DPF3: variants seen among roughly 807,000 people sequenced by gnomAD.
The protein encoded by DPF3 is double PHD fingers 3, also known as zinc finger protein DPF3.
In DPF3, 18 loss-of-function variants were observed where a neutral mutation model predicts 56.8. That is an observed-to-expected ratio of 0.32 (90% CI 0.22 to 0.47). DPF3 has a LOEUF of 0.47. DPF3 is among the 20% of genes least tolerant of loss of function. DPF3 has a pLI of 1.00. For missense variants in DPF3, 403 were observed against 488.8 expected (o/e 0.82, Z 1.65); for synonymous variants, 188 against 180.2 (o/e 1.04, Z -0.35).
chr14:72,772,971 A>ATTCC (rs1891598208), intron 1 of DPF3, among the ~76,000 whole-genome samples: 1 of 152,130 alleles, frequency 6.6e-6, no homozygotes, highest in Non-Finnish European at 1.5e-5. Context: ...AAAAGGGAGA[A>ATTCC]TCAAGTGTTT....
intron 5 of DPF3, among the ~76,000 whole-genome samples, chr14:72,722,904 T>C (rs1431080097): frequency 6.6e-6 from 1 of 152,104 alleles, no homozygotes; most frequent in Non-Finnish European, 1.5e-5. Flanking sequence ...GCTTTTTCCT[T>C]GTCCCATCCG....
chr14:72,783,583 A>C (rs1208188886), intron 1 of DPF3, among the ~76,000 whole-genome samples: 1 of 152,230 alleles, frequency 6.6e-6, no homozygotes, highest in Admixed American at 6.5e-5. Context: ...TCAGTGGCAC[A>C]GTCCACAGTC....
chr14:72,764,001 C>A (rs1020573007), intron 2 of DPF3, among the ~76,000 whole-genome samples: 2 of 152,110 alleles, frequency 1.3e-5, no homozygotes, highest in African/African-American at 2.4e-5. Flanking sequence ...GTCTTAATCC[C>A]CACTTCCTGG....
chr14:72,618,109 G>A lies in DPF3; in HGVS notation c.*1188C>T, dbSNP rs1219306989. ...CATGTTTGGGGAGCTTAGGAGACAA[G>A]AGCAGCCCCCGCACTGAGAGTTCTA... On this transcript the variant is annotated 3_prime_UTR_variant, in exon 11 of 11. Transcript: ENST00000556509. Among the ~76,000 whole-genome samples the A allele has an allele frequency of 6.6e-6, 1 of 151,934 alleles. No homozygotes were observed. Among genetic ancestry groups the A allele is most frequent in the African/African-American group, 2.4e-5 (1 of 41,330 alleles).
intron 1 of DPF3, among the ~76,000 whole-genome samples, chr14:72,835,257 G>A (rs192411047): frequency 6.7e-4 from 102 of 152,158 alleles, no homozygotes; most frequent in African/African-American, 2.0e-3. Context: ...TAGTAGAGAC[G>A]GGATTTCACC....
At chr14:72,699,275 T>C (rs867434538) in intron 6 of DPF3, among the ~76,000 whole-genome samples, 1 of 151,994 alleles carries the variant, frequency 6.6e-6, no homozygotes, top group Non-Finnish European at 1.5e-5. Context: ...ATCCCAGCAC[T>C]TTGGGAGGCT....
intron 3 of DPF3, among the ~76,000 whole-genome samples, chr14:72,751,017 C>T (rs1311130117): frequency 6.6e-6 from 1 of 151,810 alleles, no homozygotes; most frequent in Non-Finnish European, 1.5e-5. Context: ...ATAGTGAGAC[C>T]CTGTCTCTAC....
intron 4 of DPF3, among the ~76,000 whole-genome samples, chr14:72,726,718 C>G (rs1375019533): frequency 6.6e-6 from 1 of 152,064 alleles, no homozygotes; most frequent in Non-Finnish European, 1.5e-5. Flanking sequence ...GTCAGCTGAC[C>G]CCCCAGTAAC....
At chr14:72,718,908 T>C (rs1368896656) in intron 5 of DPF3, among the ~76,000 whole-genome samples, 1 of 150,640 alleles carries the variant, frequency 6.6e-6, no homozygotes, top group Non-Finnish European at 1.5e-5. Context: ...GTAGCTGGGA[T>C]TACAGGTGCA....
At chr14:72,626,351 C>T (rs1453500560) in intron 9 of DPF3, among the ~76,000 whole-genome samples, 2 of 152,044 alleles carry the variant, frequency 1.3e-5, no homozygotes, top group African/African-American at 4.8e-5. Flanking sequence ...CCTGTTTATT[C>T]TTCTTATATT....
At chr14:72,867,367 T>G (rs922477184) in intron 1 of DPF3, among the ~76,000 whole-genome samples, 1 of 152,118 alleles carries the variant, frequency 6.6e-6, no homozygotes, top group Non-Finnish European at 1.5e-5. Flanking sequence ...AGGCCTCTGG[T>G]GTCACGTCTA....
At chr14:72,685,499 G>A (rs1041444540) in intron 7 of DPF3, among the ~76,000 whole-genome samples, 33 of 152,114 alleles carry the variant, frequency 2.2e-4, no homozygotes, top group Admixed American at 2.1e-3. Context: ...CCTCTTCTAC[G>A]TGCAAGATAA....
Position 72,615,702 on chromosome 14 carries a change from G to A in DPF3, c.*3595C>T, listed in dbSNP as rs1884050369. On this transcript the variant is annotated 3_prime_UTR_variant, in exon 11 of 11. Transcript: ENST00000556509. Reference sequence around the variant, plus strand: ...ACCTCGCCCTGGGGCAGGGACAGGAGCAGGGGAGCCTTGGGACCTGCTGGC... The same window carrying A: ...ACCTCGCCCTGGGGCAGGGACAGGAACAGGGGAGCCTTGGGACCTGCTGGC... 6.6e-6 allele frequency among the ~76,000 whole-genome samples: 1 copy of A among 152,248 alleles called. No homozygotes were observed. Among genetic ancestry groups the A allele is most frequent in the Non-Finnish European group, 1.5e-5 (1 of 68,048 alleles).
chr14:72,657,662 T>A (rs1211342216), intron 8 of DPF3, among the ~76,000 whole-genome samples: 1 of 152,148 alleles, frequency 6.6e-6, no homozygotes, highest in African/African-American at 2.4e-5. Context: ...AGCAGTGCAA[T>A]ACTCTCATTT....
rs546485815 is a variant in DPF3 at position 72,758,582 on chromosome 14, T to C, written c.194-5211A>G. On this transcript the variant is annotated intron_variant, in intron 2 of 10. Transcript: ENST00000556509. ...CATTTATGCCTGTGAGGAAACTAGATAGGACTGGGAAAAGAACTACCCAAA... is the reference window on the plus strand; with the variant it reads ...CATTTATGCCTGTGAGGAAACTAGACAGGACTGGGAAAAGAACTACCCAAA... Among the ~76,000 whole-genome samples the C allele has an allele frequency of 5.3e-4, 80 of 152,162 alleles. 1 individual carries two copies. In the South Asian group the frequency reaches 9.2e-3, roughly 17 times the overall value.
chr14:72,699,430 G>A lies in DPF3; in HGVS notation c.605-6217C>T, dbSNP rs146341380. ...CCAGCTACTTAAGAGGCTGAGGTGG[G>A]AGGATCACTTGAGCCCAGGAGGTCG... On this transcript the variant is annotated intron_variant, in intron 6 of 10. Coordinates refer to ENST00000556509, the MANE Select transcript of DPF3 (RefSeq NM_001280542.3). Among the ~76,000 whole-genome samples the A allele has an allele frequency of 8.9e-3, 1,350 of 151,128 alleles. 8 individuals are homozygous for A. Among genetic ancestry groups the A allele is most frequent in the Non-Finnish European group, 0.015 (1,039 of 67,864 alleles).
intron 2 of DPF3, among the ~76,000 whole-genome samples, chr14:72,754,849 T>G (rs866822319): frequency 3.3e-5 from 5 of 152,220 alleles, no homozygotes; most frequent in Non-Finnish European, 5.9e-5. Context: ...CTCAGGTCTC[T>G]TTATGTTTAA....
At chr14:72,803,529 C>T (rs1174043182) in intron 1 of DPF3, among the ~76,000 whole-genome samples, 1 of 152,198 alleles carries the variant, frequency 6.6e-6, no homozygotes, top group East Asian at 1.9e-4. Flanking sequence ...TTTTTAGATA[C>T]AAGACACAAG....
At chr14:72,712,276 ACT>A (rs1488987302) in intron 6 of DPF3, among the ~76,000 whole-genome samples, 1 of 152,150 alleles carries the variant, frequency 6.6e-6, no homozygotes, top group Non-Finnish European at 1.5e-5. Context: ...AGCCATGGGG[ACT>A]CAGGAGACAG....
Sources: allele counts gnomAD v4.1 joint callset (sites outside exome capture counted in the v4.1 genomes callset), GRCh38; gene constraint gnomAD v4.1.1; transcripts MANE v1.5; gene names NCBI Gene and HGNC (gene_info 2026-07-23, HGNC 2026-07-21).